Variants in SLC36A4 observed in about 807,000 individuals in gnomAD.
The protein encoded by SLC36A4 is neutral amino acid uniporter 4.
Under a neutral mutation model 50.5 loss-of-function variants are expected in SLC36A4, and 49 were observed. The ratio of observed to expected loss-of-function variants is 0.97; its 90% CI spans 0.77 to 1.23. SLC36A4 has a LOEUF of 1.23. Ranked by LOEUF, SLC36A4 falls within the 50% of genes most tolerant of loss-of-function variation. SLC36A4 has a pLI of 0.00. For missense variants in SLC36A4, 611 were observed against 608.4 expected (o/e 1.00, Z -0.05); for synonymous variants, 207 against 206.5 (o/e 1.00, Z -0.02).
At chr11:93,170,717 A>G (rs1438294452) in intron 6 of SLC36A4, among the ~76,000 whole-genome samples, 1 of 152,028 alleles carries the variant, frequency 6.6e-6, no homozygotes, top group Non-Finnish European at 1.5e-5. Context: ...GATTTTCTAG[A>G]GTATCTTAGA....
intron 9 of SLC36A4, 23 bp downstream of exon 9, chr11:93,162,683 T>A: frequency 6.4e-7 from 1 of 1,552,646 alleles, no homozygotes; most frequent in Non-Finnish European, 8.7e-7. Context: ...TAAACTAATA[T>A]TGACAAATTC....
chr11:93,187,613 C>T (rs184961459), intron 1 of SLC36A4, among the ~76,000 whole-genome samples: 1 of 152,030 alleles, frequency 6.6e-6, no homozygotes, highest in Non-Finnish European at 1.5e-5. Flanking sequence ...TAATTTATTT[C>T]TTATTTGTGA....
Position 93,145,639 on chromosome 11 carries a change from GAA to G in SLC36A4, c.*2896_*2897del, listed in dbSNP as rs767053221. Reference sequence around the variant, plus strand: ...TTTCCTTTCTTTCCCCTCAGTAGCAGAAAAGTCTCTCAGGCAACTGATTAACT... The same window carrying G: ...TTTCCTTTCTTTCCCCTCAGTAGCAGAAGTCTCTCAGGCAACTGATTAACT... On this transcript the variant is annotated 3_prime_UTR_variant, in exon 11 of 11. Transcript: ENST00000326402. The G allele has an allele frequency of 6.6e-5, 10 of 152,096 alleles. No homozygotes were observed. The highest frequency in any genetic ancestry group is 1.0e-4 in the Non-Finnish European group (7 of 68,010). 9.4% of individuals were successfully genotyped at this position (152,096 alleles called of 1,614,324 possible).
chr11:93,187,047 C>T (rs1022398328), intron 1 of SLC36A4, among the ~76,000 whole-genome samples: 1 of 152,112 alleles, frequency 6.6e-6, no homozygotes, highest in East Asian at 1.9e-4. Context: ...AGTTTTTACA[C>T]GTTTCACACT....
At chr11:93,162,589 A>T in intron 9 of SLC36A4, 117 bp downstream of exon 9, 4 of 891,164 alleles carry the variant, frequency 4.5e-6, no homozygotes, top group Admixed American at 6.4e-5. Flanking sequence ...GATTCCAGGA[A>T]ATCACAGTAA....
rs749423804 is a variant in SLC36A4, at chr11:93,162,697, T to C, written c.1037+9A>G. On this transcript the variant is annotated intron_variant, in intron 9 of 10. Transcript: ENST00000326402. ...ATAAACTAATATTGACAAATTCATA[T>C]ACACCTACCATACATCTTGGGGAAG... 2.5e-6 allele frequency: 4 copies of C among 1,590,646 alleles called. No individual in the cohort carries two copies. Among genetic ancestry groups the C allele is most frequent in the Admixed American group, 1.8e-5 (1 of 54,304 alleles).
intron 6 of SLC36A4, among the ~76,000 whole-genome samples, chr11:93,168,485 T>C (rs1234197318): frequency 6.6e-6 from 1 of 152,062 alleles, no homozygotes; most frequent in African/African-American, 2.4e-5. Flanking sequence ...ACTATCATGC[T>C]CATGATACCT....
At chr11:93,166,295 A>G in intron 7 of SLC36A4, 3 of 1,140,120 alleles carry the variant, frequency 2.6e-6, no homozygotes, top group Non-Finnish European at 3.2e-6. Context: ...CAGGCTGTGA[A>G]CACTAGGTAT....
rs1452925260 is a variant in SLC36A4, at chr11:93,180,895, T to A, written c.456-14A>T. On this transcript the variant is annotated splice_polypyrimidine_tract_variant and intron_variant, in intron 5 of 10. Transcript: ENST00000326402. ...TCAACCACACTCCTGAAAAAAGATA[T>A]CCACAAATGAGTATCCAGGAGAGCT... 1.3e-6 allele frequency: 2 copies of A among 1,567,300 alleles called. No homozygotes were observed. The highest frequency in any genetic ancestry group is 1.8e-6 in the Non-Finnish European group (2 of 1,138,282).
intron 1 of SLC36A4, among the ~76,000 whole-genome samples, chr11:93,190,793 C>T (rs868453072): frequency 3.3e-5 from 5 of 152,106 alleles, no homozygotes; most frequent in South Asian, 4.1e-4. Context: ...AGTGCAAGGG[C>T]GTGGTCTTGC....
At chr11:93,170,561 G>A (rs1861086463) in intron 6 of SLC36A4, among the ~76,000 whole-genome samples, 1 of 152,058 alleles carries the variant, frequency 6.6e-6, no homozygotes, top group Non-Finnish European at 1.5e-5. Flanking sequence ...TGCCCAATGT[G>A]TGAGTTAAAA....
Position 93,181,704 on chromosome 11 carries a change from C to T in SLC36A4, c.442G>A (p.Ala148Thr). Residue 148 changes from alanine (A) to threonine (T), a missense_variant, in exon 5 of 11, where the codon GCA becomes ACA. Transcript: ENST00000326402. ...GTAAGTACTTACCGCCCCCATGCTG[C>T]TTGCTTCTGAAGACAACTCCAAGGA... ...VSPWSCLQKQ[A>T]AWGRSVVDFF... The T allele has an allele frequency of 6.5e-7, 1 of 1,535,572 alleles. No homozygotes were observed. Among genetic ancestry groups the T allele is most frequent in the South Asian group, 1.2e-5 (1 of 80,866 alleles).
intron 9 of SLC36A4, among the ~76,000 whole-genome samples, chr11:93,156,379 T>A (rs1043717062): frequency 4.6e-5 from 7 of 152,128 alleles, no homozygotes; most frequent in Non-Finnish European, 8.8e-5. Flanking sequence ...GGCATGTATG[T>A]CTTCTTTTGA....
At chr11:93,196,633 T>C (rs1862442308) in intron 1 of SLC36A4, among the ~76,000 whole-genome samples, 1 of 152,180 alleles carries the variant, frequency 6.6e-6, no homozygotes, top group African/African-American at 2.4e-5. Context: ...CCTCCCAAAG[T>C]GCTGGGATTA....
intron 1 of SLC36A4, among the ~76,000 whole-genome samples, chr11:93,191,004 A>G (rs1350636661): frequency 6.6e-6 from 1 of 152,256 alleles, no homozygotes; most frequent in Non-Finnish European, 1.5e-5. Context: ...GATATAAAAC[A>G]GCTCTTAAAT....
In SLC36A4 at chr11:93,147,924, T is replaced by C. The variant is rs1305844180; in HGVS notation, c.*613A>G. 4 of 152,224 alleles carry C rather than the reference T, an allele frequency of 2.6e-5. No individual in the cohort carries two copies. The highest frequency in any genetic ancestry group is 5.9e-5 in the Non-Finnish European group (4 of 68,090). 9.4% of individuals were successfully genotyped at this position (152,224 alleles called of 1,614,324 possible). A position where few individuals can be genotyped will look rare whatever the true frequency, so the allele number is the denominator to read the frequency against. ...AAGTCATGATCTTGAACAGTGCCTCTTGACTATGAAGATCAACTACCATTA... is the reference window on the plus strand; with the variant it reads ...AAGTCATGATCTTGAACAGTGCCTCCTGACTATGAAGATCAACTACCATTA... On this transcript the variant is annotated 3_prime_UTR_variant, in exon 11 of 11. Transcript: ENST00000326402.
At chr11:93,153,422 C>T (rs1395437127) in intron 10 of SLC36A4, among the ~76,000 whole-genome samples, 1 of 152,050 alleles carries the variant, frequency 6.6e-6, no homozygotes, top group Non-Finnish European at 1.5e-5. Flanking sequence ...GTTTTATCTT[C>T]ATTTCACAGT....
chr11:93,194,664 A>G (rs1027300651), intron 1 of SLC36A4, among the ~76,000 whole-genome samples: 1 of 152,188 alleles, frequency 6.6e-6, no homozygotes, highest in Non-Finnish European at 1.5e-5. Flanking sequence ...TTACTTCATT[A>G]CCCACAAATT....
intron 5 of SLC36A4, 118 bp downstream of exon 5, chr11:93,181,566 CTAAGGGT>C: frequency 1.5e-6 from 1 of 665,880 alleles, no homozygotes; most frequent in Non-Finnish European, 2.2e-6. Context: ...CTGTTTAACT[CTAAGGGT>C]TACATATGTT....
Sources: allele counts gnomAD v4.1 joint callset (sites outside exome capture counted in the v4.1 genomes callset), GRCh38; gene constraint gnomAD v4.1.1; transcripts MANE v1.5; gene names NCBI Gene and HGNC (gene_info 2026-07-23, HGNC 2026-07-21).